The following SUMF1 variants were observed in gnomAD, a reference collection of about 807,000 sequenced individuals.
SUMF1 encodes formylglycine-generating enzyme.
A neutral mutation model predicts 47.6 loss-of-function variants in SUMF1; 48 were observed. The observed-to-expected ratio is 1.01, with a 90% confidence interval of 0.80 to 1.28. The LOEUF (loss-of-function observed/expected upper bound fraction) is 1.28. Ranked by LOEUF, SUMF1 falls within the 50% of genes most tolerant of loss-of-function variation. SUMF1 has a pLI of 0.00. For missense variants in SUMF1, 571 were observed against 485.4 expected (o/e 1.18, Z -1.66); for synonymous variants, 230 against 192.1 (o/e 1.20, Z -1.63).
chr3:4,188,122 T>A (rs571525110), intron 8 of SUMF1, among the ~76,000 whole-genome samples: 1 of 151,906 alleles, frequency 6.6e-6, no homozygotes, highest in Non-Finnish European at 1.5e-5. Context: ...GTACAACTGA[T>A]GAACCTACAC....
intron 8 of SUMF1, among the ~76,000 whole-genome samples, chr3:4,342,708 A>AT (rs1296859248): frequency 6.6e-6 from 1 of 152,074 alleles, no homozygotes; most frequent in Non-Finnish European, 1.5e-5. Context: ...TCAAGGGAGC[A>AT]TTTTTTCAGT....
intron 3 of SUMF1, among the ~76,000 whole-genome samples, chr3:4,420,853 G>A (rs1427729176): frequency 1.3e-5 from 2 of 152,156 alleles, no homozygotes; most frequent in African/African-American, 4.8e-5. Context: ...CAGAGATCAA[G>A]CTGAAGCACA....
chr3:4,314,737 C>A (rs1247788014), intron 8 of SUMF1, among the ~76,000 whole-genome samples: 2 of 152,160 alleles, frequency 1.3e-5, no homozygotes, highest in African/African-American at 4.8e-5. Context: ...CAGCAAACAT[C>A]TCTAACTACC....
intron 8 of SUMF1, among the ~76,000 whole-genome samples, chr3:4,152,801 A>G (rs1277365829): frequency 6.6e-6 from 1 of 151,504 alleles, no homozygotes; most frequent in Non-Finnish European, 1.5e-5. Flanking sequence ...CCTCTCAAAC[A>G]AAACCCCAGA....
At chr3:4,041,597 T>C (rs1291947215) in intron 9 of SUMF1, among the ~76,000 whole-genome samples, 4 of 152,114 alleles carry the variant, frequency 2.6e-5, no homozygotes, top group Non-Finnish European at 5.9e-5. Context: ...AGCTGGCATA[T>C]CTACAGACCA....
intron 8 of SUMF1, among the ~76,000 whole-genome samples, chr3:4,192,706 A>C (rs1357735734): frequency 6.6e-6 from 1 of 152,160 alleles, no homozygotes; most frequent in Non-Finnish European, 1.5e-5. Flanking sequence ...AAGAAAGACC[A>C]ACCAGGAGAT....
chr3:4,079,159 G>A (rs1692504325), intron 8 of SUMF1, among the ~76,000 whole-genome samples: 2 of 152,042 alleles, frequency 1.3e-5, no homozygotes, highest in African/African-American at 2.4e-5. Context: ...ATCAGCCCAA[G>A]AAGTAACAAC....
downstream of SUMF1, among the ~76,000 whole-genome samples, chr3:4,360,423 G>A (rs1187681112): frequency 2.6e-5 from 4 of 151,910 alleles, no homozygotes; most frequent in African/African-American, 9.7e-5. Flanking sequence ...CGCCTTCCAG[G>A]TTCAAGCAAT....
chr3:4,181,097 A>G (rs528659874), intron 8 of SUMF1, among the ~76,000 whole-genome samples: 61 of 151,048 alleles, frequency 4.0e-4, no homozygotes, highest in African/African-American at 1.3e-3. Context: ...CTTTCCACAT[A>G]GAGGATAGTG....
rs573456563 is a variant in SUMF1 at position 4,154,828 on chromosome 3, G to A, written c.1015-86083C>T. On this transcript the variant is annotated intron_variant and NMD_transcript_variant, in intron 8 of 12. Coordinates refer to the SUMF1 transcript ENST00000448413. ...ACCAGCCAATATCTGGGCAACCACC[G>A]CATCCCACTTCCAGAATACATCAAA... 2.6e-4 allele frequency among the ~76,000 whole-genome samples: 39 copies of A among 151,570 alleles called. No homozygotes were observed. The South Asian group carries it at 6.0e-3, about 23-fold the overall frequency.
chr3:4,345,909 T>G (rs1211458913), intron 8 of SUMF1, among the ~76,000 whole-genome samples: 1 of 152,070 alleles, frequency 6.6e-6, no homozygotes, highest in African/African-American at 2.4e-5. Flanking sequence ...AAAGAGACTT[T>G]AAACCAACAA....
intron 8 of SUMF1, among the ~76,000 whole-genome samples, chr3:4,149,224 G>C (rs1368600416): frequency 1.3e-5 from 2 of 152,072 alleles, no homozygotes; most frequent in Non-Finnish European, 2.9e-5. Flanking sequence ...ACTTCATCTG[G>C]TGCTCAAATA....
intron 8 of SUMF1, among the ~76,000 whole-genome samples, chr3:4,167,801 G>T (rs1694743061): frequency 6.6e-6 from 1 of 152,176 alleles, no homozygotes; most frequent in Non-Finnish European, 1.5e-5. Flanking sequence ...TGAGAATGAT[G>T]AGGTAATATA....
At chr3:4,237,856 G>C (rs529534713) in intron 8 of SUMF1, among the ~76,000 whole-genome samples, 1 of 152,220 alleles carries the variant, frequency 6.6e-6, no homozygotes, top group East Asian at 1.9e-4. Flanking sequence ...AGGTATACAT[G>C]TGCCATGGTG....
chr3:4,304,999 A>G (rs1488192407), intron 8 of SUMF1, among the ~76,000 whole-genome samples: 2 of 152,064 alleles, frequency 1.3e-5, no homozygotes, highest in African/African-American at 4.8e-5. Context: ...CTATAGGTAG[A>G]TTTTAATTTT....
At chr3:4,037,851 G>A (rs571252481) in intron 9 of SUMF1, among the ~76,000 whole-genome samples, 1 of 152,114 alleles carries the variant, frequency 6.6e-6, no homozygotes, top group African/African-American at 2.4e-5. Context: ...GTGTTCACAG[G>A]GCCAAGGCTT....
chr3:4,420,011 G>A, intron 4 of SUMF1, 53 bp downstream of exon 4: 4 of 1,453,448 alleles, frequency 2.8e-6, no homozygotes, highest in Non-Finnish European at 3.9e-6. Context: ...AGAGCAAAGG[G>A]TACCTATTTT....
chr3:4,343,476 C>T (rs1053380039), intron 8 of SUMF1, among the ~76,000 whole-genome samples: 1 of 152,164 alleles, frequency 6.6e-6, no homozygotes, highest in Admixed American at 6.5e-5. Context: ...TTTGCATCTA[C>T]AGTTGGACCA....
At chr3:4,327,641 CAT>C (rs1275485361) in intron 8 of SUMF1, among the ~76,000 whole-genome samples, 1 of 151,796 alleles carries the variant, frequency 6.6e-6, no homozygotes, top group East Asian at 1.9e-4. Flanking sequence ...ATATTAATAA[CAT>C]ATAAAATATA....
Sources: allele counts gnomAD v4.1 joint callset (sites outside exome capture counted in the v4.1 genomes callset), GRCh38; gene constraint gnomAD v4.1.1; transcripts MANE v1.5; gene names NCBI Gene and HGNC (gene_info 2026-07-23, HGNC 2026-07-21).